The following EXOC6B variants were observed in gnomAD, a reference collection of about 807,000 sequenced individuals.
The protein encoded by EXOC6B is exocyst complex component 6B, also known as SEC15 homolog B.
In EXOC6B, 54 loss-of-function variants were observed where a neutral mutation model predicts 113.5. The ratio of observed to expected loss-of-function variants is 0.48; its 90% CI spans 0.38 to 0.60. The LOEUF is 0.60. EXOC6B is among the 20% of genes least tolerant of loss of function. The pLI, the probability that EXOC6B is intolerant of heterozygous loss-of-function variation, is 0.00. For missense variants in EXOC6B, 797 were observed against 977.5 expected (o/e 0.82, Z 2.46); for synonymous variants, 357 against 339.0 (o/e 1.05, Z -0.58).
intron 18 of EXOC6B, chr2:72,463,808 T>C (rs1310316648): frequency 6.6e-6 from 1 of 152,106 alleles, no homozygotes; most frequent in Non-Finnish European, 1.5e-5. Context: ...TGTAACAAAA[T>C]CCCATAGACT....
At chr2:72,774,553 C>T (rs1159105874) in intron 1 of EXOC6B, among the ~76,000 whole-genome samples, 1 of 152,102 alleles carries the variant, frequency 6.6e-6, no homozygotes, top group East Asian at 1.9e-4. Context: ...CAACTGCACT[C>T]CTGAGCATTT....
rs368495145 is a variant in EXOC6B at position 72,406,117 on chromosome 2, G to T, written c.1981-26247C>A. Among the ~76,000 whole-genome samples, 4 of 152,200 alleles carry T rather than the reference G, an allele frequency of 2.6e-5. No homozygotes were observed. The East Asian group carries it at 5.8e-4, about 22-fold the overall frequency. On this transcript the variant is annotated intron_variant, in intron 18 of 21. Transcript: ENST00000272427. ...AAAAGAGACAAAGAAGGCCATTACA[G>T]AATGGTAAAGGGATCAATTCAACAA...
At chr2:72,777,663 G>A (rs1683785824) in intron 1 of EXOC6B, among the ~76,000 whole-genome samples, 1 of 151,864 alleles carries the variant, frequency 6.6e-6, no homozygotes, top group Non-Finnish European at 1.5e-5. Context: ...AACTGCATAG[G>A]TAAATACAAA....
At chr2:72,644,372 T>C (rs966235227) in intron 6 of EXOC6B, among the ~76,000 whole-genome samples, 2 of 152,310 alleles carry the variant, frequency 1.3e-5, no homozygotes, top group South Asian at 4.2e-4. Context: ...GAAAACACTC[T>C]GCAGGATATT....
chr2:72,394,841 T>C (rs630241), intron 18 of EXOC6B, among the ~76,000 whole-genome samples: 53,242 of 151,958 alleles, frequency 0.35, 14,912 homozygotes, highest in African/African-American at 0.78. Context: ...TTTTTCCAGT[T>C]CTCTCTTACT....
chr2:72,324,634 C>T (rs369291680), intron 20 of EXOC6B, among the ~76,000 whole-genome samples: 3 of 152,096 alleles, frequency 2.0e-5, no homozygotes, highest in African/African-American at 7.2e-5. Flanking sequence ...TTAAAATTTT[C>T]ATTTAATAGT....
chr2:72,438,988 T>G (rs1333462075), intron 18 of EXOC6B, among the ~76,000 whole-genome samples: 1 of 152,192 alleles, frequency 6.6e-6, no homozygotes, highest in Admixed American at 6.5e-5. Flanking sequence ...AGAAAAGTTT[T>G]CTGATGCTAT....
chr2:72,493,148 C>G (rs1489248548), intron 15 of EXOC6B, among the ~76,000 whole-genome samples: 1 of 152,052 alleles, frequency 6.6e-6, no homozygotes, highest in Non-Finnish European at 1.5e-5. Flanking sequence ...TTGATTTTGT[C>G]TTTCTCACAT....
intron 7 of EXOC6B, among the ~76,000 whole-genome samples, chr2:72,567,981 T>TCTAA (rs1704285503): frequency 6.6e-6 from 1 of 152,032 alleles, no homozygotes; most frequent in Non-Finnish European, 1.5e-5. Context: ...AACCAGTGGG[T>TCTAA]AACAAGCTGT....
chr2:72,468,343 C>A (rs1451661730), intron 17 of EXOC6B, among the ~76,000 whole-genome samples: 5 of 152,060 alleles, frequency 3.3e-5, no homozygotes, highest in East Asian at 1.9e-4. Flanking sequence ...AGATGAGGAA[C>A]AAATTTCATT....
intron 15 of EXOC6B, among the ~76,000 whole-genome samples, chr2:72,494,175 A>G (rs1234117129): frequency 6.6e-6 from 1 of 152,180 alleles, no homozygotes; most frequent in Non-Finnish European, 1.5e-5. Context: ...ACATTATCCC[A>G]TTACTAATAT....
At chr2:72,378,521 T>C (rs1479374349) in intron 19 of EXOC6B, among the ~76,000 whole-genome samples, 2 of 152,170 alleles carry the variant, frequency 1.3e-5, no homozygotes, top group Non-Finnish European at 2.9e-5. Flanking sequence ...ATGAATAGGG[T>C]TGCTTCATGT....
intron 11 of EXOC6B, among the ~76,000 whole-genome samples, chr2:72,500,862 T>C (rs1363393140): frequency 1.3e-5 from 2 of 152,224 alleles, no homozygotes. Flanking sequence ...TCTCCCACAA[T>C]TATGCAGCTT....
chr2:72,643,496 A>T (rs1405511723), intron 6 of EXOC6B, among the ~76,000 whole-genome samples: 4 of 149,658 alleles, frequency 2.7e-5, no homozygotes, highest in Non-Finnish European at 5.9e-5. Flanking sequence ...CATCATTCTC[A>T]GTAAACTATC....
chr2:72,440,068 G>A (rs1299610054), intron 18 of EXOC6B, among the ~76,000 whole-genome samples: 1 of 152,076 alleles, frequency 6.6e-6, no homozygotes, highest in Non-Finnish European at 1.5e-5. Flanking sequence ...TCTGTACCAG[G>A]GAGGTATGGA....
intron 8 of EXOC6B, among the ~76,000 whole-genome samples, chr2:72,536,914 A>G (rs1276467000): frequency 6.6e-6 from 1 of 152,252 alleles, no homozygotes; most frequent in Non-Finnish European, 1.5e-5. Context: ...GAACCTATCT[A>G]TGAAGAGTTA....
intron 19 of EXOC6B, among the ~76,000 whole-genome samples, chr2:72,367,952 C>T (rs145491659): frequency 1.5e-3 from 225 of 152,258 alleles, no homozygotes; most frequent in African/African-American, 4.8e-3. Context: ...CTTGAGTAAA[C>T]TTGAAAGACA....
chr2:72,401,487 TTATATA>T (rs1693154994), intron 18 of EXOC6B, among the ~76,000 whole-genome samples: 3 of 106,542 alleles, frequency 2.8e-5, no homozygotes, highest in South Asian at 2.8e-4. Flanking sequence ...AGAAAATATT[TTATATA>T]CATATATATA....
intron 6 of EXOC6B, among the ~76,000 whole-genome samples, chr2:72,696,360 A>C (rs1677881347): frequency 6.6e-6 from 1 of 152,222 alleles, no homozygotes; most frequent in South Asian, 2.1e-4. Flanking sequence ...AAATGACAAG[A>C]AAATAGCAAG....
Sources: allele counts gnomAD v4.1 joint callset (sites outside exome capture counted in the v4.1 genomes callset), GRCh38; gene constraint gnomAD v4.1.1; transcripts MANE v1.5; gene names NCBI Gene and HGNC (gene_info 2026-07-23, HGNC 2026-07-21).